EMILIN2: variants seen among roughly 807,000 people sequenced by gnomAD.
The protein encoded by EMILIN2 is elastin microfibril interfacer 2.
A neutral mutation model predicts 87.1 loss-of-function variants in EMILIN2; 71 were observed. The observed-to-expected ratio is 0.82, with a 90% confidence interval of 0.67 to 0.99. The LOEUF (loss-of-function observed/expected upper bound fraction) is 0.99. EMILIN2 is among the 50% of genes least tolerant of loss of function. The pLI, the probability that EMILIN2 is intolerant of heterozygous loss-of-function variation, is 0.00. For missense variants in EMILIN2, 1,407 were observed against 1,371.8 expected (o/e 1.03, Z -0.40); for synonymous variants, 581 against 563.4 (o/e 1.03, Z -0.44).
chr18:2,879,930 A>T (rs1050318114), intron 2 of EMILIN2, among the ~76,000 whole-genome samples: 3 of 151,676 alleles, frequency 2.0e-5, no homozygotes, highest in African/African-American at 7.3e-5. Context: ...CTGTTCTCGA[A>T]CTCCTGAGCT....
At chr18:2,906,583 G>A (rs2076913424) in intron 4 of EMILIN2, 200 bp from the exon 5 acceptor site, 4 of 392,830 alleles carry the variant, frequency 1.0e-5, no homozygotes, top group African/African-American at 6.3e-5. Flanking sequence ...AGGGGTCCCC[G>A]GCGGCGTCCG....
At chr18:2,868,076 C>A (rs1328531223) in intron 2 of EMILIN2, among the ~76,000 whole-genome samples, 1 of 152,182 alleles carries the variant, frequency 6.6e-6, no homozygotes, top group Non-Finnish European at 1.5e-5. Flanking sequence ...CTCCTCACTT[C>A]TCAGATGGAG....
chr18:2,851,821 A>G (rs684320), intron 2 of EMILIN2, among the ~76,000 whole-genome samples: 61,816 of 152,088 alleles, frequency 0.41, 14,867 homozygotes, highest in African/African-American at 0.68. Flanking sequence ...GCCAGGCCCC[A>G]TGTTAGGGCT....
Position 2,848,125 on chromosome 18 carries a change from C to T in EMILIN2, c.257+194C>T, listed in dbSNP as rs573227557. Reference sequence around the variant, plus strand: ...GGGCTATTTAGGGAGTGGGTGCTGCCCGAGTGAGTGGGGAGGATGCGCGCG... The same window carrying T: ...GGGCTATTTAGGGAGTGGGTGCTGCTCGAGTGAGTGGGGAGGATGCGCGCG... On this transcript the variant is annotated intron_variant, in intron 2 of 7. Transcript: ENST00000254528. This position sits in a 1 kb window ranked among gnomAD's most constrained non-coding sequence, Gnocchi z 4.1. 6.6e-6 allele frequency among the ~76,000 whole-genome samples: 1 copy of T among 152,262 alleles called. No homozygotes were observed. The highest frequency in any genetic ancestry group is 2.1e-4 in the South Asian group (1 of 4,828).
At position 2,906,967 on chromosome 18, in the gene EMILIN2, GGGCCAGGCCGGGC is replaced by G. The variant is rs2076916845; in HGVS notation, c.2545_2557del (p.Gly849ProfsTer43). 1 of 1,392,306 alleles carries G rather than the reference GGGCCAGGCCGGGC, an allele frequency of 7.2e-7. No homozygotes were observed. The highest frequency in any genetic ancestry group is 1.5e-5 in the African/African-American group (1 of 66,686). The allele number at this position is 1,392,306 out of a possible 1,614,324, so 86.2% of individuals were successfully genotyped here. A position where few individuals can be genotyped will look rare whatever the true frequency, so the allele number is the denominator to read the frequency against. On this transcript the variant is annotated frameshift_variant, in exon 5 of 8. Transcript: ENST00000254528. LOFTEE classifies it high-confidence loss of function. ...GCTCCACCGGGGTCATCGCGGAGAC[GGGCCAGGCCGGGC>G]CCCCCGCAGGCGCAGGCGTGTCTGG... is the stretch of plus-strand genomic sequence containing the variant.
Position 2,914,773 on chromosome 18 carries a change from A to G in EMILIN2, c.*1369A>G, listed in dbSNP as rs976567685. On this transcript the variant is annotated 3_prime_UTR_variant, in exon 8 of 8. Coordinates refer to ENST00000254528, the MANE Select transcript of EMILIN2 (RefSeq NM_032048.3). ...TTACAGGGTGGCCACTGGACACTTCAGAGTTCCTTATTTACTCCCCCCGCC... is the reference window on the plus strand; with the variant it reads ...TTACAGGGTGGCCACTGGACACTTCGGAGTTCCTTATTTACTCCCCCCGCC... 1.1e-5 allele frequency: 1 copy of G among 90,588 alleles called. No homozygotes were observed. The highest frequency in any genetic ancestry group is 3.7e-5 in the African/African-American group (1 of 26,694). The allele number at this position is 90,588 out of a possible 1,614,324, so 5.6% of individuals were successfully genotyped here. A position where few individuals can be genotyped will look rare whatever the true frequency, so the allele number is the denominator to read the frequency against.
intron 2 of EMILIN2, among the ~76,000 whole-genome samples, chr18:2,850,480 A>G (rs113744786): frequency 0.016 from 2,444 of 151,808 alleles, 24 homozygotes; most frequent in Middle Eastern, 0.027. Flanking sequence ...ATCATAGTTC[A>G]CTGCAACCTC....
Position 2,891,045 on chromosome 18 carries a change from G to T in EMILIN2, c.918G>T (p.Val306=). The change falls in exon 4 of 8, where the codon GTG becomes GTT. Residue 306 remains valine (V), a synonymous_variant. Coordinates refer to ENST00000254528, the MANE Select transcript of EMILIN2 (RefSeq NM_032048.3). This position sits in a 1 kb window ranked among gnomAD's most constrained non-coding sequence, Gnocchi z 4.6. ...QLQEAAQGPT[V]TMTTNELYQA... is the part of the protein sequence containing the mutation. ...AGGAAGCAGCTCAGGGCCCGACGGT[G>T]ACCATGACAACCAACGAACTCTACC... 1.2e-6 allele frequency: 2 copies of T among 1,614,200 alleles called. No homozygotes were observed. Among genetic ancestry groups the T allele is most frequent in the South Asian group, 1.1e-5 (1 of 91,074 alleles).
intron 3 of EMILIN2, among the ~76,000 whole-genome samples, chr18:2,889,455 C>G (rs1449831382): frequency 6.6e-6 from 1 of 152,026 alleles, no homozygotes; most frequent in East Asian, 1.9e-4. Context: ...TTCTTGTATC[C>G]TGCTGTATTC....
intron 2 of EMILIN2, among the ~76,000 whole-genome samples, chr18:2,874,098 G>A (rs1422331724): frequency 8.2e-6 from 1 of 121,270 alleles, no homozygotes; most frequent in Non-Finnish European, 1.7e-5. Context: ...GATTTGTCCT[G>A]GAGAAAAGCT....
intron 2 of EMILIN2, among the ~76,000 whole-genome samples, chr18:2,858,599 A>ATGTG (rs368602236): frequency 9.1e-6 from 1 of 110,074 alleles, no homozygotes; most frequent in Admixed American, 8.9e-5. Context: ...ATATATATAT[A>ATGTG]TATGTGTATA....
intron 2 of EMILIN2, among the ~76,000 whole-genome samples, chr18:2,868,028 G>A (rs935038404): frequency 2.0e-4 from 31 of 152,022 alleles, no homozygotes; most frequent in African/African-American, 7.2e-4. Context: ...GGGCGGAGAT[G>A]CTCCTCACTT....
chr18:2,892,324 C>T lies in EMILIN2; in HGVS notation c.2197C>T (p.His733Tyr). The T allele has an allele frequency of 1.9e-6, 3 of 1,614,158 alleles. No individual in the cohort carries two copies. Among genetic ancestry groups the T allele is most frequent in the East Asian group, 2.2e-5 (1 of 44,878 alleles). The change falls in exon 4 of 8, where the codon CAT (histidine) becomes TAT (tyrosine). Residue 733 changes from histidine (H) to tyrosine (Y), a missense_variant. By Grantham distance (83) the His-to-Tyr change is moderately conservative. Transcript: ENST00000254528. ...GAGGATCAAGGAGGGGCTCAACAAG[C>T]ATGTCAGCAGCCTGTGGAACTGTGT... Reference protein sequence around the residue: ...LQRIKEGLNKHVSSLWNCVRQ... With the variant: ...LQRIKEGLNKYVSSLWNCVRQ...
At chr18:2,889,725 G>A (rs1175858450) in intron 3 of EMILIN2, among the ~76,000 whole-genome samples, 2 of 135,332 alleles carry the variant, frequency 1.5e-5, no homozygotes, top group Admixed American at 7.6e-5. Flanking sequence ...AAAGATACAG[G>A]GTCTTGCTAT....
At chr18:2,850,871 T>C (rs1036091347) in intron 2 of EMILIN2, among the ~76,000 whole-genome samples, 7 of 151,720 alleles carry the variant, frequency 4.6e-5, no homozygotes, top group Admixed American at 4.6e-4. Context: ...GCAAAGATAT[T>C]GGTGGAGGAA....
At chr18:2,858,553 A>ATGTGTGTGTGTG (rs1568454015) in intron 2 of EMILIN2, among the ~76,000 whole-genome samples, 2 of 50,054 alleles carry the variant, frequency 4.0e-5, no homozygotes, top group African/African-American at 2.9e-4. Flanking sequence ...ATATATATAT[A>ATGTGTGTGTGTG]TATATATATA....
At position 2,891,249 on chromosome 18, in the gene EMILIN2, A is replaced by G; in HGVS notation, c.1122A>G (p.Thr374=). 2 of 1,614,220 alleles carry G rather than the reference A, an allele frequency of 1.2e-6. No homozygotes were observed. Among genetic ancestry groups the G allele is most frequent in the South Asian group, 2.2e-5 (2 of 91,084 alleles). ...TAGAGCTCATAGGGGAGAAGGAAAC[A>G]AGCCTGAGAAAAGAAATAAATAACC... ...GVIELIGEKE[T]SLRKEINNLR... is the part of the protein sequence containing the mutation. The change falls in exon 4 of 8, where the codon ACA becomes ACG. Residue 374 remains threonine, a synonymous_variant. Transcript: ENST00000254528. The surrounding 1 kb of genome is among the most constrained non-coding windows in gnomAD (Gnocchi z 4.6).
At chr18:2,897,964 G>C (rs2076871276) in intron 4 of EMILIN2, among the ~76,000 whole-genome samples, 1 of 151,660 alleles carries the variant, frequency 6.6e-6, no homozygotes, top group Non-Finnish European at 1.5e-5. Context: ...CATCACTTAT[G>C]AACAAATTAG....
chr18:2,898,869 CAT>C (rs1260273989), intron 4 of EMILIN2, among the ~76,000 whole-genome samples: 1 of 152,148 alleles, frequency 6.6e-6, no homozygotes, highest in Non-Finnish European at 1.5e-5. Context: ...GTTTTATAAA[CAT>C]ATAAAGGCTC....
Sources: gnomAD v4.1 joint callset for allele counts (sites outside exome capture counted in the v4.1 genomes callset) on GRCh38, gnomAD v4.1.1 for gene constraint, Gnocchi (gnomAD v3.1) non-coding constraint, MANE v1.5 for transcripts, NCBI Gene and HGNC (gene_info 2026-07-23, HGNC 2026-07-21) for gene names.